Variants in PAH observed in about 807,000 individuals in gnomAD.
PAH encodes phenylalanine-4-hydroxylase.
PAH carries 64 observed loss-of-function variants against 62.0 expected under a neutral mutation model. The observed-to-expected ratio is 1.03, with a 90% confidence interval of 0.84 to 1.27. The LOEUF (loss-of-function observed/expected upper bound fraction) is 1.27, where lower values mean the gene tolerates loss of function less well. PAH is among the 50% of genes most tolerant of loss of function. The probability of loss-of-function intolerance (pLI) is 0.00; values close to 1 mark genes in which losing one functional copy is unlikely to be tolerated. For synonymous variants in PAH, 195 were observed against 196.2 expected, an observed-to-expected ratio of 0.99 and a Z score of 0.05; for missense variants, 579 against 542.8, an observed-to-expected ratio of 1.07 and a Z score of -0.66.
At chr12:102,921,715 C>T (rs1592993141), upstream of PAH, among the ~76,000 whole-genome samples, 1 of 152,074 alleles carries the variant, frequency 6.6e-6, no homozygotes, top group African/African-American at 2.4e-5. Flanking sequence ...TTCTTAGAGG[C>T]TTTTCAACAT....
chr12:102,859,150 C>T (rs1875591393), intron 5 of PAH, among the ~76,000 whole-genome samples: 1 of 152,130 alleles, frequency 6.6e-6, no homozygotes, highest in Non-Finnish European at 1.5e-5. Flanking sequence ...GATATCACCA[C>T]CGATCCCACA....
intron 5 of PAH, among the ~76,000 whole-genome samples, chr12:102,856,449 C>T (rs922982683): frequency 2.6e-5 from 4 of 152,226 alleles, no homozygotes; most frequent in African/African-American, 2.4e-5. Flanking sequence ...CCTCTGCAGA[C>T]TTAAATGTCC....
intron 3 of PAH, among the ~76,000 whole-genome samples, chr12:102,883,683 C>T (rs1039744925): frequency 4.6e-5 from 7 of 152,184 alleles, no homozygotes; most frequent in Non-Finnish European, 8.8e-5. Flanking sequence ...GGTAGCACTG[C>T]GAGGCTGCAG....
exon 1 of PAH, chr12:102,958,337 C>T: frequency 6.8e-7 from 1 of 1,462,656 alleles, no homozygotes; most frequent in South Asian, 1.4e-5. Flanking sequence ...CAGCCTGTTT[C>T]TTTGCCACGG....
chr12:102,890,397 G>T (rs1321656364), intron 3 of PAH, among the ~76,000 whole-genome samples: 2 of 152,192 alleles, frequency 1.3e-5, no homozygotes, highest in Non-Finnish European at 2.9e-5. Context: ...AGGAATGGTT[G>T]TTCCCCTTAA....
Position 102,877,535 on chromosome 12 carries a change from CT to C in PAH, c.367del (p.Arg123GlufsTer72). Reference sequence around the variant, plus strand: ...AAATCTGTCCAGCTCTTGAATGGTTCTTGGGAACCAGGGCACTGAAACACAG... The same window carrying C: ...AAATCTGTCCAGCTCTTGAATGGTTCTGGGAACCAGGGCACTGAAACACAG... ...KKKDTVPWFP[R>X]TIQELDRFAN... On this transcript the variant is annotated frameshift_variant, in exon 4 of 13. Transcript: ENST00000553106. LOFTEE classifies it high-confidence loss of function. 6.2e-7 allele frequency: 1 copy of C among 1,613,896 alleles called. No homozygotes were observed. Among genetic ancestry groups the C allele is most frequent in the Non-Finnish European group, 8.5e-7 (1 of 1,179,800 alleles).
chr12:102,855,911 A>T (rs954211517), intron 5 of PAH, among the ~76,000 whole-genome samples: 1 of 151,984 alleles, frequency 6.6e-6, no homozygotes, highest in Admixed American at 6.6e-5. Context: ...GCTCCTGGGA[A>T]GTTATAAAGG....
At chr12:102,869,091 T>C (rs1465265095) in intron 4 of PAH, among the ~76,000 whole-genome samples, 1 of 152,206 alleles carries the variant, frequency 6.6e-6, no homozygotes, top group Non-Finnish European at 1.5e-5. Flanking sequence ...AGCACTGAAG[T>C]AGGAATCCAG....
intron 5 of PAH, among the ~76,000 whole-genome samples, chr12:102,864,314 G>A (rs1013483812): frequency 6.6e-6 from 1 of 152,054 alleles, no homozygotes; most frequent in Non-Finnish European, 1.5e-5. Context: ...ATAACTATTT[G>A]AGATTCTGAT....
chr12:102,903,938 GA>G (rs1877869790), intron 2 of PAH, among the ~76,000 whole-genome samples: 1 of 152,160 alleles, frequency 6.6e-6, no homozygotes, highest in African/African-American at 2.4e-5. Flanking sequence ...TTACAGTAAA[GA>G]CTCTCAGGAG....
chr12:102,877,080 C>T (rs1216029219), intron 4 of PAH, among the ~76,000 whole-genome samples: 11 of 152,224 alleles, frequency 7.2e-5, no homozygotes, highest in East Asian at 1.9e-4. Context: ...CGCCACTCCC[C>T]GCTGCCCCCT....
chr12:102,884,224 G>C (rs993142689), intron 3 of PAH, among the ~76,000 whole-genome samples: 2 of 152,224 alleles, frequency 1.3e-5, no homozygotes, highest in African/African-American at 4.8e-5. Flanking sequence ...TCATGTTGGA[G>C]AGCAGGGACA....
chr12:102,916,134 T>C (rs1206922075), intron 1 of PAH, among the ~76,000 whole-genome samples: 1 of 131,056 alleles, frequency 7.6e-6, no homozygotes. Context: ...ATGTACTATT[T>C]TCATAAGAAA....
chr12:102,879,081 TC>T (rs1344886671), intron 3 of PAH, among the ~76,000 whole-genome samples: 7 of 152,040 alleles, frequency 4.6e-5, no homozygotes, highest in African/African-American at 1.7e-4. Flanking sequence ...GAATCCGGGT[TC>T]CATCTGCCTA....
chr12:102,879,475 A>T (rs868609333), intron 3 of PAH, among the ~76,000 whole-genome samples: 2 of 151,804 alleles, frequency 1.3e-5, no homozygotes, highest in African/African-American at 4.8e-5. Flanking sequence ...CAAAACAAGG[A>T]GAGCTGATTC....
At chr12:102,861,331 A>G (rs1025681719) in intron 5 of PAH, among the ~76,000 whole-genome samples, 8 of 152,200 alleles carry the variant, frequency 5.3e-5, no homozygotes, top group African/African-American at 1.9e-4. Flanking sequence ...TCAGGAAACA[A>G]CAGGTGCTGG....
upstream of PAH, among the ~76,000 whole-genome samples, chr12:102,918,469 A>G (rs1878468841): frequency 6.6e-6 from 1 of 151,928 alleles, no homozygotes; most frequent in Non-Finnish European, 1.5e-5. Flanking sequence ...AAATAAATAA[A>G]TAAATAAGTA....
intron 3 of PAH, 23 bp downstream of exon 3, chr12:102,894,712 T>G: frequency 6.2e-7 from 1 of 1,600,020 alleles, no homozygotes. Context: ...TTACTTATGT[T>G]GCAAAATTCC....
chr12:102,874,363 C>T (rs1434806912), intron 4 of PAH, among the ~76,000 whole-genome samples: 1 of 152,190 alleles, frequency 6.6e-6, no homozygotes, highest in Admixed American at 6.5e-5. Flanking sequence ...GTCAACACCC[C>T]TTCTCTCTCT....
Sources: allele counts gnomAD v4.1 joint callset (sites outside exome capture counted in the v4.1 genomes callset), GRCh38; gene constraint gnomAD v4.1.1; transcripts MANE v1.5; gene names NCBI Gene and HGNC (gene_info 2026-07-23, HGNC 2026-07-21).